NMT2: variants seen among roughly 807,000 people sequenced by gnomAD.
The protein encoded by NMT2 is N-myristoyltransferase 2.
NMT2 carries 35 observed loss-of-function variants against 65.4 expected under a neutral mutation model. The observed-to-expected ratio is 0.54, with a 90% confidence interval of 0.41 to 0.71. The LOEUF (loss-of-function observed/expected upper bound fraction) is 0.71, where lower values mean the gene tolerates loss of function less well. Ranked by LOEUF, NMT2 falls within the 30% of genes least tolerant of loss-of-function variation. The pLI, the probability that NMT2 is intolerant of heterozygous loss-of-function variation, is 0.00. For missense variants in NMT2, 489 were observed against 611.3 expected (o/e 0.80, Z 2.11); for synonymous variants, 226 against 231.8 (o/e 0.98, Z 0.23).
At chr10:15,119,686 A>G (rs1235305800) in intron 8 of NMT2, among the ~76,000 whole-genome samples, 173 bp from the exon 9 acceptor site, 1 of 152,212 alleles carries the variant, frequency 6.6e-6, no homozygotes, top group African/African-American at 2.4e-5. Context: ...CTGCAACTCA[A>G]CAAGATTTCC....
intron 1 of NMT2, 179 bp downstream of exon 1, chr10:15,168,324 T>G (rs1833445689): frequency 3.4e-6 from 1 of 295,002 alleles, no homozygotes; most frequent in Non-Finnish European, 6.3e-6. Context: ...CCCCGCGCAC[T>G]GCACTCTCCC....
At chr10:15,117,204 C>A (rs1845774200) in intron 9 of NMT2, among the ~76,000 whole-genome samples, 1 of 152,128 alleles carries the variant, frequency 6.6e-6, no homozygotes, top group Non-Finnish European at 1.5e-5. Context: ...ACACCCTGAC[C>A]AAGTGGATAT....
Position 15,130,724 on chromosome 10 carries a change from A to G in NMT2, c.720-412T>C, listed in dbSNP as rs552985470. ...GTCTCAAAAAAAAAAAAAAAAAAAA[A>G]AAAGAAAAGAAAGAAAAAGAAAAAA... On this transcript the variant is annotated intron_variant, in intron 6 of 11. Coordinates refer to ENST00000378165, the MANE Select transcript of NMT2 (RefSeq NM_004808.3). Among the ~76,000 whole-genome samples, 58 of 146,948 alleles carry G rather than the reference A, an allele frequency of 3.9e-4. No individual in the cohort carries two copies. The South Asian group carries it at 5.5e-3, about 14-fold the overall frequency.
intron 9 of NMT2, among the ~76,000 whole-genome samples, chr10:15,116,974 C>T (rs1193417074): frequency 2.0e-5 from 3 of 152,118 alleles, no homozygotes; most frequent in Non-Finnish European, 2.9e-5. Flanking sequence ...CTGGAGAATT[C>T]TAACAAACAT....
chr10:15,156,624 C>T (rs1022510245), intron 1 of NMT2, among the ~76,000 whole-genome samples: 60 of 152,214 alleles, frequency 3.9e-4, no homozygotes, highest in African/African-American at 1.3e-3. Context: ...TCAGGCCAGG[C>T]GCGGTGGCTC....
At chr10:15,168,332 C>A in intron 1 of NMT2, 171 bp downstream of exon 1, 1 of 412,818 alleles carries the variant, frequency 2.4e-6, no homozygotes. Context: ...ACTGCACTCT[C>A]CCGCGAGCCG....
At chr10:15,144,679 C>T (rs10796260) in intron 1 of NMT2, among the ~76,000 whole-genome samples, 1 of 151,356 alleles carries the variant, frequency 6.6e-6, no homozygotes, top group Non-Finnish European at 1.5e-5. Context: ...TGCAGTGAGC[C>T]GAGATTGCAC....
At chr10:15,165,100 T>C (rs776149688) in intron 1 of NMT2, among the ~76,000 whole-genome samples, 2 of 151,284 alleles carry the variant, frequency 1.3e-5, no homozygotes, top group Non-Finnish European at 2.9e-5. Context: ...GAGGTGGAGG[T>C]TGCAGTGCGC....
At chr10:15,147,575 G>A (rs1457273999) in intron 1 of NMT2, among the ~76,000 whole-genome samples, 2 of 151,862 alleles carry the variant, frequency 1.3e-5, no homozygotes, top group Non-Finnish European at 2.9e-5. Flanking sequence ...TACATAGCAT[G>A]AGAAAAACTG....
At position 15,106,051 on chromosome 10, in the gene NMT2, G is replaced by T. The variant is rs900938112; in HGVS notation, c.*3144C>A. On this transcript the variant is annotated 3_prime_UTR_variant, in exon 12 of 12. Coordinates refer to ENST00000378165, the MANE Select transcript of NMT2 (RefSeq NM_004808.3). The stretch of plus-strand genomic sequence containing the variant: ...ACTCTGTTGCCCAGGCTGGAGTGCA[G>T]TGGTGTGATCCCGGCTCACTGCAAC... 2.5e-5 allele frequency: 10 copies of T among 396,674 alleles called. No individual in the cohort carries two copies. Among genetic ancestry groups the T allele is most frequent in the Admixed American group, 1.3e-4 (4 of 31,876 alleles). 24.6% of individuals were successfully genotyped at this position (396,674 alleles called of 1,614,324 possible).
intron 10 of NMT2, among the ~76,000 whole-genome samples, chr10:15,112,177 TATATATATATATATATATA>T (rs1845544515): frequency 2.5e-4 from 2 of 7,956 alleles, no homozygotes; most frequent in Admixed American, 1.5e-3. Context: ...ATGGGCTTTA[TATATATATATATATATATA>T]TATATATATA....
chr10:15,111,509 C>CAAAAAAAAAAAAAAAA, intron 10 of NMT2, among the ~76,000 whole-genome samples: 1 of 52,802 alleles, frequency 1.9e-5, no homozygotes. Context: ...AGACTCATCT[C>CAAAAAAAAAAAAAAAA]AAAAAAAAAA....
chr10:15,126,382 T>C (rs1846074826), intron 8 of NMT2, among the ~76,000 whole-genome samples: 1 of 150,862 alleles, frequency 6.6e-6, no homozygotes, highest in Non-Finnish European at 1.5e-5. Flanking sequence ...TGAGCTGAGA[T>C]TGTGCCATTG....
intron 1 of NMT2, among the ~76,000 whole-genome samples, chr10:15,143,194 C>T (rs779238630): frequency 1.8e-4 from 28 of 152,148 alleles, no homozygotes; most frequent in Non-Finnish European, 4.0e-4. Context: ...AATGGTAAAG[C>T]CTACTGCAAC....
rs778353858 is a variant in NMT2 at position 15,130,114 on chromosome 10, A to G, written c.890+28T>C. 31 of 1,423,232 alleles carry G rather than the reference A, an allele frequency of 2.2e-5. 1 individual carries two copies. The allele number at this position is 1,423,232 out of a possible 1,614,324, so 88.2% of individuals were successfully genotyped here. A position where few individuals can be genotyped will look rare whatever the true frequency, so the allele number is the denominator to read the frequency against. ...GCTCAACATTTTTGATAAAGGGAGG[A>G]CCTGAGGTAGAAATATGGTACTGGT... On this transcript the variant is annotated intron_variant, in intron 7 of 11. Coordinates refer to ENST00000378165, the MANE Select transcript of NMT2 (RefSeq NM_004808.3).
intron 9 of NMT2, among the ~76,000 whole-genome samples, chr10:15,115,375 A>C (rs1164024559): frequency 1.3e-5 from 2 of 152,214 alleles, no homozygotes; most frequent in Admixed American, 1.3e-4. Context: ...CAAAGTAATA[A>C]ATGTTGTTAC....
At chr10:15,163,789 T>C (rs902086755) in intron 1 of NMT2, among the ~76,000 whole-genome samples, 1 of 152,220 alleles carries the variant, frequency 6.6e-6, no homozygotes, top group Non-Finnish European at 1.5e-5. Flanking sequence ...AAATTGGGGA[T>C]GGTAGAAGAC....
At position 15,122,825 on chromosome 10, in the gene NMT2, A is replaced by G. The variant is rs370169908; in HGVS notation, c.1000-3312T>C. Among the ~76,000 whole-genome samples the G allele has an allele frequency of 4.6e-5, 7 of 152,314 alleles. No individual in the cohort carries two copies. The South Asian group carries it at 8.3e-4, about 18-fold the overall frequency. The stretch of plus-strand genomic sequence containing the variant: ...TCAAAACTGAGAACATTTTTAAACA[A>G]AAGACTACAGAAATACACATGCCAC... On this transcript the variant is annotated intron_variant, in intron 8 of 11. Transcript: ENST00000378165.
rs545603449 is a variant in NMT2, at chr10:15,121,449, C to T, written c.1000-1936G>A. On this transcript the variant is annotated intron_variant, in intron 8 of 11. Transcript: ENST00000378165. ...ATGGTGCGATCTCGGTTCACTGCAA[C>T]GTCTGCCTCCTGGGTTCAATCGATT... Among the ~76,000 whole-genome samples, 8 of 152,266 alleles carry T rather than the reference C, an allele frequency of 5.3e-5. No homozygotes were observed. The East Asian group carries it at 7.7e-4, about 15-fold the overall frequency.
Sources: gnomAD v4.1 joint callset for allele counts (sites outside exome capture counted in the v4.1 genomes callset) on GRCh38, gnomAD v4.1.1 for gene constraint, MANE v1.5 for transcripts, NCBI Gene and HGNC (gene_info 2026-07-23, HGNC 2026-07-21) for gene names.